Variants in OR1L8 observed in about 807,000 individuals in gnomAD.
The protein encoded by OR1L8 is olfactory receptor 1L8.
For synonymous variants in OR1L8, 148 were observed against 147.0 expected, an observed-to-expected ratio of 1.01 and a Z score of -0.05; for missense variants, 330 against 377.4, an observed-to-expected ratio of 0.87 and a Z score of 1.04.
rs147841774 is a variant in OR1L8 at position 122,571,077 on chromosome 9, T to C, written c.-213+1703A>G. Reference sequence around the variant, plus strand: ...TGGTGCTATGTTTTCCTCACTCTGATAAATTTCTACAGAATTACCCTCTTG... The same window carrying C: ...TGGTGCTATGTTTTCCTCACTCTGACAAATTTCTACAGAATTACCCTCTTG... On this transcript the variant is annotated intron_variant, in intron 4 of 4. Coordinates refer to ENST00000641027, the MANE Select transcript of OR1L8 (RefSeq NM_001004454.2). Among the ~76,000 whole-genome samples, 541 of 152,326 alleles carry C rather than the reference T, an allele frequency of 3.6e-3. 7 individuals are homozygous for C. Among genetic ancestry groups the C allele is most frequent in the African/African-American group, 0.012 (519 of 41,572 alleles).
chr9:122,558,017 T>G, the OR1L8 span, among the ~76,000 whole-genome samples: 1 of 152,088 alleles, frequency 6.6e-6, no homozygotes, highest in East Asian at 1.9e-4. Context: ...GGTATTCCTT[T>G]ATTATCCTTT....
the OR1L8 span, among the ~76,000 whole-genome samples, chr9:122,551,531 G>A: frequency 2.6e-5 from 4 of 152,160 alleles, no homozygotes; most frequent in South Asian, 2.1e-4. Flanking sequence ...TTTTACCTAG[G>A]ACATGGGACA....
At chr9:122,553,842 A>C in the OR1L8 span, 1 of 1,613,634 alleles carries the variant, frequency 6.2e-7, no homozygotes, top group Non-Finnish European at 8.5e-7. Flanking sequence ...GCTGTTCCTC[A>C]CTGTTCCCCT....
intron 1 of OR1L8, among the ~76,000 whole-genome samples, chr9:122,579,503 C>T (rs1230495348): frequency 6.6e-6 from 1 of 152,106 alleles, no homozygotes; most frequent in African/African-American, 2.4e-5. Flanking sequence ...TTCAGGTTGT[C>T]AACTAATAGC....
At chr9:122,564,847 T>C (rs1829404092), downstream of OR1L8, among the ~76,000 whole-genome samples, 1 of 152,224 alleles carries the variant, frequency 6.6e-6, no homozygotes, top group African/African-American at 2.4e-5. Flanking sequence ...CTCAGGAGTA[T>C]ATCAATTCTG....
chr9:122,554,179 T>C, the OR1L8 span: 4 of 1,571,772 alleles, frequency 2.5e-6, no homozygotes, highest in South Asian at 1.2e-5. Context: ...ATCTAGACGG[T>C]GATGTCTAAT....
In OR1L8 at chr9:122,568,623, C is replaced by T. The variant is rs1829483046; in HGVS notation, c.-146G>A. ...GCTAATTGTGGGATGGCTTGTTCAC[C>T]TCATGGTCCTTGATGGGGTCCTCCC... On this transcript the variant is annotated 5_prime_UTR_variant, in exon 5 of 5. Transcript: ENST00000641027. 1 of 580,814 alleles carries T rather than the reference C, an allele frequency of 1.7e-6. No homozygotes were observed. Among genetic ancestry groups the T allele is most frequent in the Non-Finnish European group, 3.0e-6 (1 of 333,320 alleles). 36.0% of individuals were successfully genotyped at this position (580,814 alleles called of 1,614,324 possible).
At chr9:122,547,126 AT>A in the OR1L8 span, among the ~76,000 whole-genome samples, 3,654 of 150,602 alleles carry the variant, frequency 0.024, 259 homozygotes, top group East Asian at 0.29. Flanking sequence ...ACATAAAAAA[AT>A]AATAATTTAA....
chr9:122,554,142 G>T, the OR1L8 span: 2 of 1,610,760 alleles, frequency 1.2e-6, no homozygotes, highest in East Asian at 4.5e-5. Context: ...TTTTGTCAGT[G>T]GAAAAACATT....
At chr9:122,563,571 G>A (rs934179624), downstream of OR1L8, among the ~76,000 whole-genome samples, 2 of 152,122 alleles carry the variant, frequency 1.3e-5, no homozygotes, top group Non-Finnish European at 2.9e-5. Context: ...TTGTCTCTTT[G>A]CTCTGTTGAT....
At chr9:122,579,401 G>A (rs1390698932) in intron 1 of OR1L8, among the ~76,000 whole-genome samples, 1 of 151,974 alleles carries the variant, frequency 6.6e-6, no homozygotes, top group Non-Finnish European at 1.5e-5. Flanking sequence ...CCCTTGTCTG[G>A]AGATTGCTTT....
the OR1L8 span, among the ~76,000 whole-genome samples, chr9:122,550,435 G>C: frequency 1.3e-5 from 2 of 151,928 alleles, no homozygotes; most frequent in African/African-American, 4.8e-5. Flanking sequence ...AGCTAGATAA[G>C]GACACACAAA....
chr9:122,561,316 C>G, the OR1L8 span, among the ~76,000 whole-genome samples: 8 of 152,220 alleles, frequency 5.3e-5, no homozygotes, highest in Admixed American at 3.3e-4. Flanking sequence ...TTGTTATTAC[C>G]CACCTTCTGA....
chr9:122,570,973 G>C (rs891228387), intron 4 of OR1L8, among the ~76,000 whole-genome samples: 1 of 152,136 alleles, frequency 6.6e-6, no homozygotes, highest in African/African-American at 2.4e-5. Flanking sequence ...GGTCAGTAAG[G>C]AAGTGAATAA....
downstream of OR1L8, among the ~76,000 whole-genome samples, chr9:122,566,517 A>G (rs948974006): frequency 6.6e-6 from 1 of 152,010 alleles, no homozygotes; most frequent in African/African-American, 2.4e-5. Context: ...ATGGCTTTTC[A>G]AGGAAGCAGT....
intron 2 of OR1L8, 131 bp from the exon 3 acceptor site, chr9:122,577,032 A>G (rs1829668863): frequency 6.6e-6 from 1 of 152,152 alleles, no homozygotes; most frequent in Non-Finnish European, 1.5e-5. Flanking sequence ...TTTTTAAATG[A>G]CAATAATTGA....
At chr9:122,551,867 C>A in the OR1L8 span, among the ~76,000 whole-genome samples, 1 of 152,126 alleles carries the variant, frequency 6.6e-6, no homozygotes, top group South Asian at 2.1e-4. Context: ...TCAGGTATTT[C>A]TAATAAACTC....
chr9:122,553,861 T>C, the OR1L8 span: 1 of 1,614,136 alleles, frequency 6.2e-7, no homozygotes, highest in Non-Finnish European at 8.5e-7. Flanking sequence ...CTCCTGCTGA[T>C]CGTCTTCTCC....
chr9:122,554,285 ATG>A, the OR1L8 span: 2 of 594,380 alleles, frequency 3.4e-6, no homozygotes, highest in Non-Finnish European at 5.5e-6. Context: ...TGAGTTAGGG[ATG>A]TAAAAAAAAA....
Sources: allele counts gnomAD v4.1 joint callset (sites outside exome capture counted in the v4.1 genomes callset), GRCh38; gene constraint gnomAD v4.1.1; transcripts MANE v1.5; gene names NCBI Gene and HGNC (gene_info 2026-07-23, HGNC 2026-07-21).